The following TRPM2 variants were observed in gnomAD, a reference collection of about 807,000 sequenced individuals.
The protein encoded by TRPM2 is estrogen-responsive element-associated gene 1 protein.
A neutral mutation model predicts 174.0 loss-of-function variants in TRPM2; 161 were observed. That is an observed-to-expected ratio of 0.93 (90% CI 0.81 to 1.05). TRPM2 has a LOEUF of 1.05. TRPM2 is among the 50% of genes least tolerant of loss of function. The pLI, the probability that TRPM2 is intolerant of heterozygous loss-of-function variation, is 0.00. For synonymous variants in TRPM2, 954 were observed against 861.3 expected (o/e 1.11, Z -1.88); for missense variants, 2,057 against 2,038.0 (o/e 1.01, Z -0.18).
chr21:44,441,971 C>CT lies in TRPM2; in HGVS notation c.*155dup. 1 of 1,149,132 alleles carries CT rather than the reference C, an allele frequency of 8.7e-7. No homozygotes were observed. Among genetic ancestry groups the CT allele is most frequent in the Non-Finnish European group, 1.2e-6 (1 of 867,948 alleles). The allele number at this position is 1,149,132 out of a possible 1,614,324, so 71.2% of individuals were successfully genotyped here. ...AGTGCCCCTCACGGCTGCCGCAAGT[C>CT]TGCTGCAGATGACCTCATGAACTGG... On this transcript the variant is annotated 3_prime_UTR_variant, in exon 32 of 32. Transcript: ENST00000397928.
chr21:44,405,838 G>T, intron 17 of TRPM2, 67 bp from the exon 18 acceptor site: 1 of 1,560,764 alleles, frequency 6.4e-7, no homozygotes. Flanking sequence ...GAGGGGCGAC[G>T]GGGGACAGCT....
chr21:44,377,531 G>C (rs2048741484), intron 6 of TRPM2, among the ~76,000 whole-genome samples, 181 bp from the exon 7 acceptor site: 1 of 152,244 alleles, frequency 6.6e-6, no homozygotes, highest in South Asian at 2.1e-4. Context: ...CCTCCCAGCA[G>C]GTGCTTCAGT....
At chr21:44,424,763 C>A in intron 23 of TRPM2, 89 bp from the exon 24 acceptor site, 1 of 807,392 alleles carries the variant, frequency 1.2e-6, no homozygotes, top group Non-Finnish European at 1.8e-6. Context: ...GGGCTCCTGG[C>A]TGGGGGAGTG....
intron 27 of TRPM2, among the ~76,000 whole-genome samples, chr21:44,434,834 T>TG (rs1414629039): frequency 6.6e-6 from 1 of 152,120 alleles, no homozygotes; most frequent in Non-Finnish European, 1.5e-5. Context: ...CCATGCTCCG[T>TG]GGGGAGAAGG....
At chr21:44,425,634 C>A in intron 24 of TRPM2, 36 bp from the exon 25 acceptor site, 1 of 1,454,144 alleles carries the variant, frequency 6.9e-7, no homozygotes, top group Non-Finnish European at 9.1e-7. Flanking sequence ...TGAGCCCGGG[C>A]TCCGCCTTGC....
intron 19 of TRPM2, among the ~76,000 whole-genome samples, chr21:44,413,648 C>A (rs574544124): frequency 1.3e-5 from 2 of 152,096 alleles, no homozygotes; most frequent in African/African-American, 2.4e-5. Context: ...ACACCCTGGG[C>A]GGAGGCACGG....
intron 9 of TRPM2, among the ~76,000 whole-genome samples, chr21:44,389,873 A>T (rs1003907325): frequency 1.2e-3 from 164 of 139,374 alleles, no homozygotes; most frequent in African/African-American, 4.0e-3. Flanking sequence ...GAGGCTTAAA[A>T]TTTTTTTTTT....
At chr21:44,418,225 C>G in intron 21 of TRPM2, 117 bp downstream of exon 21, 2 of 1,421,788 alleles carry the variant, frequency 1.4e-6, no homozygotes, top group Non-Finnish European at 1.9e-6. Flanking sequence ...GCAGGTCACT[C>G]AGGCTGCTGG....
Position 44,391,424 on chromosome 21 carries a change from G to T in TRPM2, c.1593G>T (p.Leu531=). 1.2e-6 allele frequency: 2 copies of T among 1,614,044 alleles called. No individual in the cohort carries two copies. Among genetic ancestry groups the T allele is most frequent in the Non-Finnish European group, 1.7e-6 (2 of 1,180,046 alleles). Residue 531 remains leucine, a synonymous_variant, in exon 11 of 32, where the codon CTG becomes CTT. Coordinates refer to ENST00000397928, the MANE Select transcript of TRPM2 (RefSeq NM_003307.4). This position sits in a 1 kb window ranked among gnomAD's most constrained non-coding sequence, Gnocchi z 5.0. ...YLYENLDPSC[L]FHSKLQKVLV... is the part of the protein sequence containing the mutation. ...ACGAGAACCTGGACCCCTCCTGCCT[G>T]TTCCACAGCAAGCTGCAGAAGGTGC...
chr21:44,375,957 T>G lies in TRPM2; in HGVS notation c.896T>G (p.Ile299Ser), dbSNP rs781597535. The change falls in exon 6 of 32, where the codon ATT becomes AGT. Residue 299 changes from isoleucine (I) to serine (S), a missense_variant. Transcript: ENST00000397928. Reference sequence around the variant, plus strand: ...ACCCACGGCCAGTACGGGGTGGAGATTCCTCTGAGGACCAGGCTGGAGAAG... The same window carrying G: ...ACCCACGGCCAGTACGGGGTGGAGAGTCCTCTGAGGACCAGGCTGGAGAAG... ...DGTHGQYGVE[I>S]PLRTRLEKFI... 27 of 1,614,076 alleles carry G rather than the reference T, an allele frequency of 1.7e-5. No individual in the cohort carries two copies. Among genetic ancestry groups the G allele is most frequent in the Non-Finnish European group, 2.1e-5 (25 of 1,179,988 alleles).
rs1008398875 is a variant in TRPM2, at chr21:44,406,902, T to A, written c.2962+137T>A. On this transcript the variant is annotated intron_variant, in intron 19 of 31. Coordinates refer to ENST00000397928, the MANE Select transcript of TRPM2 (RefSeq NM_003307.4). ...GTTCCCACCTGGCCGGTGTCCTCCC[T>A]GGGGGCATTCATTCCCCAGCTCCTG... is the stretch of plus-strand genomic sequence containing the variant. The A allele has an allele frequency of 7.7e-6, 9 of 1,174,180 alleles. No homozygotes were observed. In the East Asian group the frequency reaches 1.0e-4, roughly 14 times the overall value. 72.7% of individuals were successfully genotyped at this position (1,174,180 alleles called of 1,614,324 possible).
intron 5 of TRPM2, among the ~76,000 whole-genome samples, chr21:44,371,651 C>G (rs189852853): frequency 6.6e-6 from 1 of 152,246 alleles, no homozygotes; most frequent in East Asian, 1.9e-4. Context: ...TAGGGTGATG[C>G]CTTCATATCC....
At chr21:44,382,598 C>A in intron 8 of TRPM2, 120 bp from the exon 9 acceptor site, 1 of 868,226 alleles carries the variant, frequency 1.2e-6, no homozygotes, top group Non-Finnish European at 1.8e-6. Flanking sequence ...GGTGTCCTGG[C>A]CACAAGCGCA....
rs1235379705 is a variant in TRPM2, at chr21:44,367,430, C to T, written c.604+496C>T. On this transcript the variant is annotated intron_variant, in intron 4 of 31. Transcript: ENST00000397928. This position sits in a 1 kb window ranked among gnomAD's most constrained non-coding sequence, Gnocchi z 4.6. ...ATCAGGGAAGGAGCATTATTATTTC[C>T]ATCTCTTCACTTAAGGCAACTGCCT... is the stretch of plus-strand genomic sequence containing the variant. Among the ~76,000 whole-genome samples, 1 of 152,204 alleles carries T rather than the reference C, an allele frequency of 6.6e-6. No homozygotes were observed. The highest frequency in any genetic ancestry group is 1.5e-5 in the Non-Finnish European group (1 of 68,032).
At chr21:44,434,027 G>T (rs1328805656) in intron 27 of TRPM2, among the ~76,000 whole-genome samples, 1 of 152,088 alleles carries the variant, frequency 6.6e-6, no homozygotes, top group African/African-American at 2.4e-5. Flanking sequence ...GGTGCTAGAG[G>T]TGGTCAGCTG....
At chr21:44,428,352 G>T (rs2050880048) in intron 27 of TRPM2, among the ~76,000 whole-genome samples, 2 of 152,120 alleles carry the variant, frequency 1.3e-5, no homozygotes, top group Non-Finnish European at 1.5e-5. Flanking sequence ...TTCCTGCTAA[G>T]ATCTGGCCCC....
At position 44,395,599 on chromosome 21, in the gene TRPM2, C is replaced by T. The variant is rs201540225; in HGVS notation, c.1932+48C>T. 91 of 1,607,436 alleles carry T rather than the reference C, an allele frequency of 5.7e-5. No homozygotes were observed. The East Asian group carries it at 1.1e-3, about 19-fold the overall frequency. ...CTCAGCAGACACAGCTATAGGCCAG[C>T]GGCCAGCTGGGGAGTGTGGCTGGAG... On this transcript the variant is annotated intron_variant, in intron 12 of 31. Transcript: ENST00000397928.
rs73374078 is a variant in TRPM2 at position 44,369,273 on chromosome 21, G to T, written c.701G>T (p.Gly234Val). The change falls in exon 5 of 32, where the codon GGC (glycine) becomes GTC (valine). Residue 234 changes from glycine to valine, a missense_variant. By Grantham distance (109) the Gly-to-Val change is moderately radical. Coordinates refer to ENST00000397928, the MANE Select transcript of TRPM2 (RefSeq NM_003307.4). The part of the protein sequence containing the change: ...DFSLSSSYKE[G>V]ELITIGVATW... Reference sequence around the variant, plus strand: ...AGCCTGAGCAGCAGCTACAAGGAAGGCGAGCTCATCACCATCGGAGTCGCC... The same window carrying T: ...AGCCTGAGCAGCAGCTACAAGGAAGTCGAGCTCATCACCATCGGAGTCGCC... The T allele has an allele frequency of 4.0e-5, 65 of 1,613,834 alleles. No homozygotes were observed. The African/African-American group carries it at 7.3e-4, about 18-fold the overall frequency.
Position 44,406,056 on chromosome 21 carries a change from C to G in TRPM2, c.2790+19C>G. ...GCGGATGGTAAGGGGGCGGGGGCAC[C>G]GGCTCCATCGCGGCCTGCAGCCCAG... On this transcript the variant is annotated intron_variant, in intron 18 of 31. Coordinates refer to ENST00000397928, the MANE Select transcript of TRPM2 (RefSeq NM_003307.4). The G allele has an allele frequency of 1.2e-6, 2 of 1,601,474 alleles. No homozygotes were observed. The highest frequency in any genetic ancestry group is 1.7e-6 in the Non-Finnish European group (2 of 1,179,126).
Sources: gnomAD v4.1 joint callset for allele counts (sites outside exome capture counted in the v4.1 genomes callset) on GRCh38, gnomAD v4.1.1 for gene constraint, Gnocchi (gnomAD v3.1) non-coding constraint, MANE v1.5 for transcripts, NCBI Gene and HGNC (gene_info 2026-07-23, HGNC 2026-07-21) for gene names.